Variants in VPS13D observed in about 807,000 individuals in gnomAD.
The protein encoded by VPS13D is vacuolar protein sorting 13 homolog D.
VPS13D carries 187 observed loss-of-function variants against 461.9 expected under a neutral mutation model. The ratio of observed to expected loss-of-function variants is 0.40; its 90% CI spans 0.36 to 0.46. The LOEUF (loss-of-function observed/expected upper bound fraction) is 0.46, where lower values mean the gene tolerates loss of function less well. Ranked by LOEUF, VPS13D falls within the 20% of genes least tolerant of loss-of-function variation. The pLI, the probability that VPS13D is intolerant of heterozygous loss-of-function variation, is 0.60. For missense variants in VPS13D, 4,711 were observed against 5,364.9 expected, an observed-to-expected ratio of 0.88 and a Z score of 3.81; for synonymous variants, 1,951 against 1,986.3, an observed-to-expected ratio of 0.98 and a Z score of 0.47.
intron 21 of VPS13D, among the ~76,000 whole-genome samples, chr1:12,287,451 G>A (rs528653851): frequency 7.2e-5 from 11 of 152,242 alleles, no homozygotes; most frequent in African/African-American, 2.6e-4. Context: ...AGACAAAGGG[G>A]TGAAGGCATG....
chr1:12,416,520 TTA>T (rs1644796372), intron 64 of VPS13D, 138 bp from the exon 65 acceptor site: 1 of 893,000 alleles, frequency 1.1e-6, no homozygotes, highest in South Asian at 2.0e-5. Flanking sequence ...TTGATGAAGA[TTA>T]AAAGCTTTTA....
intron 40 of VPS13D, among the ~76,000 whole-genome samples, chr1:12,339,399 G>A (rs1643519471): frequency 6.6e-6 from 1 of 152,154 alleles, no homozygotes. Flanking sequence ...TGCTTACATA[G>A]CATGACAACC....
Position 12,288,264 on chromosome 1 carries a change from G to T in VPS13D, c.5676G>T (p.Glu1892Asp). ...TAGTGCTGAATAAGACCACCAGTGA[G>T]CTTGCCAAAGCAAATGTGTCCAAAT... ...LSLVLNKTTS[E>D]LAKANVSKLV... Residue 1892 changes from glutamate (E) to aspartate (D), a missense_variant, in exon 22 of 70, where the codon GAG becomes GAT. This residue lies in a region of VPS13D where 4,411 missense variants were observed against 4,937.8 expected (regional missense o/e 0.89). Coordinates refer to ENST00000620676, the MANE Select transcript of VPS13D (RefSeq NM_015378.4). The T allele has an allele frequency of 6.2e-7, 1 of 1,614,156 alleles. No homozygotes were observed. Among genetic ancestry groups the T allele is most frequent in the Non-Finnish European group, 8.5e-7 (1 of 1,179,988 alleles).
intron 2 of VPS13D, among the ~76,000 whole-genome samples, chr1:12,234,827 C>T (rs1640095497): frequency 1.3e-5 from 2 of 152,172 alleles, no homozygotes; most frequent in African/African-American, 4.8e-5. Flanking sequence ...ACATTTAAAG[C>T]CCCTAGCCTG....
chr1:12,448,705 A>G (rs930806610), intron 65 of VPS13D, among the ~76,000 whole-genome samples: 1 of 152,242 alleles, frequency 6.6e-6, no homozygotes, highest in African/African-American at 2.4e-5. Flanking sequence ...GTTGAAGATC[A>G]GTTGTCTTGA....
chr1:12,442,377 GT>G (rs1645141886), intron 65 of VPS13D, among the ~76,000 whole-genome samples: 1 of 152,120 alleles, frequency 6.6e-6, no homozygotes, highest in African/African-American at 2.4e-5. Context: ...TAAGTGCTCT[GT>G]AGTGTGTCAA....
chr1:12,446,556 C>CTCCATAGTCCTCTTTCTT, intron 65 of VPS13D, among the ~76,000 whole-genome samples: 1 of 152,284 alleles, frequency 6.6e-6, no homozygotes, highest in African/African-American at 2.4e-5. Flanking sequence ...TCCTCTTTCT[C>CTCCATAGTCCTCTTTCTT]TCCATAGTCC....
Position 12,511,597 on chromosome 1 carries a change from T to C in VPS13D, c.*2573T>C, listed in dbSNP as rs555210710. On this transcript the variant is annotated 3_prime_UTR_variant, in exon 70 of 70. Transcript: ENST00000620676. The surrounding 1 kb of genome is among the most constrained non-coding windows in gnomAD (Gnocchi z 4.5). ...TCGTCTCTGAGGAAAGTAAAATAAA[T>C]GGAATAAGAGTAAATTGGGTAAGGA... The C allele has an allele frequency of 6.6e-6, 1 of 152,334 alleles. No individual in the cohort carries two copies. The highest frequency in any genetic ancestry group is 1.9e-4 in the East Asian group (1 of 5,180). 9.4% of individuals were successfully genotyped at this position (152,334 alleles called of 1,614,324 possible). A position where few individuals can be genotyped will look rare whatever the true frequency, so the allele number is the denominator to read the frequency against.
intron 65 of VPS13D, among the ~76,000 whole-genome samples, chr1:12,428,555 T>C: frequency 6.6e-6 from 1 of 152,168 alleles, no homozygotes; most frequent in East Asian, 1.9e-4. Context: ...TGTGCTGTCC[T>C]CCCCTTGCGC....
At chr1:12,335,035 G>A (rs774034497) in intron 38 of VPS13D, among the ~76,000 whole-genome samples, 13 of 152,138 alleles carry the variant, frequency 8.5e-5, no homozygotes, top group Non-Finnish European at 1.5e-4. Flanking sequence ...AATTGTTTTT[G>A]TTAACCTGCT....
In VPS13D at chr1:12,244,396, G is replaced by T. The variant is rs757652596; in HGVS notation, c.326G>T (p.Arg109Leu). 1.2e-6 allele frequency: 2 copies of T among 1,614,050 alleles called. No homozygotes were observed. Among genetic ancestry groups the T allele is most frequent in the African/African-American group, 2.7e-5 (2 of 74,926 alleles). The change falls in exon 4 of 70, where the codon CGT becomes CTT. Residue 109 changes from arginine (R) to leucine (L), a missense_variant. Around this residue, in one of 3 missense-constraint regions of VPS13D, gnomAD observed 4,411 missense variants for 4,937.8 expected, o/e 0.89. Coordinates refer to ENST00000620676, the MANE Select transcript of VPS13D (RefSeq NM_015378.4). ...DEKEKLLERERKKALLQALEE... is the reference protein window; with the variant it reads ...DEKEKLLERELKKALLQALEE... ...AAGGAGAAGCTGTTGGAAAGGGAAC[G>T]TAAGAAAGCACTACTTCAAGCCCTG...
chr1:12,269,543 A>G (rs1351588173), intron 16 of VPS13D, among the ~76,000 whole-genome samples: 1 of 152,214 alleles, frequency 6.6e-6, no homozygotes, highest in African/African-American at 2.4e-5. Flanking sequence ...AGGAATGTTC[A>G]AGAATTTCCT....
Position 12,283,084 on chromosome 1 carries a change from C to T in VPS13D, c.4982C>T (p.Thr1661Ile). The part of the protein sequence containing the change: ...EVEFSKDHPQ[T>I]LSIQIALHSL... ...GAATTCAGTAAAGACCATCCCCAGA[C>T]TTTATCTATTCAGATTGCCCTGCAT... Residue 1661 changes from threonine (T) to isoleucine (I), a missense_variant, in exon 21 of 70, where the codon ACT (threonine) becomes ATT (isoleucine). This residue lies in a region of VPS13D where 4,411 missense variants were observed against 4,937.8 expected (regional missense o/e 0.89). Transcript: ENST00000620676. The T allele has an allele frequency of 2.5e-6, 4 of 1,614,194 alleles. No individual in the cohort carries two copies. Among genetic ancestry groups the T allele is most frequent in the Non-Finnish European group, 3.4e-6 (4 of 1,180,038 alleles).
At chr1:12,407,604 T>C (rs1209914836) in intron 63 of VPS13D, among the ~76,000 whole-genome samples, 1 of 152,174 alleles carries the variant, frequency 6.6e-6, no homozygotes, top group African/African-American at 2.4e-5. Flanking sequence ...ACTTTGACTG[T>C]CCAGATTAAC....
intron 67 of VPS13D, among the ~76,000 whole-genome samples, chr1:12,490,791 G>A (rs992320787): frequency 3.3e-5 from 5 of 150,238 alleles, no homozygotes; most frequent in Admixed American, 1.3e-4. Context: ...TGCAGCCCAC[G>A]GCATGGTGGG....
Position 12,282,842 on chromosome 1 carries a change from C to G in VPS13D, c.4740C>G (p.Thr1580=). The change falls in exon 21 of 70, where the codon ACC becomes ACG. Residue 1580 remains threonine, a synonymous_variant. Coordinates refer to ENST00000620676, the MANE Select transcript of VPS13D (RefSeq NM_015378.4). Reference sequence around the variant, plus strand: ...ATTCTCCTCTGCCTCCCCTCAGTACCTGTGGAGAATCTTCTGTTGAAAGGA... The same window carrying G: ...ATTCTCCTCTGCCTCCCCTCAGTACGTGTGGAGAATCTTCTGTTGAAAGGA... ...CPDSPLPPLS[T]CGESSVERKE... is the part of the protein sequence containing the mutation. 1 of 1,614,152 alleles carries G rather than the reference C, an allele frequency of 6.2e-7. No homozygotes were observed. Among genetic ancestry groups the G allele is most frequent in the African/African-American group, 1.3e-5 (1 of 75,018 alleles).
At chr1:12,497,087 A>AG (rs1645968107) in intron 67 of VPS13D, 1 of 154,780 alleles carries the variant, frequency 6.5e-6, no homozygotes, top group Admixed American at 6.4e-5. Flanking sequence ...GGTGCGGCCC[A>AG]GGGGGATCTA....
Position 12,502,260 on chromosome 1 carries a change from C to T in VPS13D, c.12795-4593C>T, listed in dbSNP as rs1172672084. 5.3e-5 allele frequency among the ~76,000 whole-genome samples: 8 copies of T among 152,108 alleles called. 1 individual carries two copies. The South Asian group carries it at 6.2e-4, about 12-fold the overall frequency. On this transcript the variant is annotated intron_variant, in intron 68 of 69. Transcript: ENST00000620676. The surrounding 1 kb of genome is among the most constrained non-coding windows in gnomAD (Gnocchi z 4.3). Reference sequence around the variant, plus strand: ...AGAGGCCTGAACACAGTGGCCGTAACGATGACTAGAAGAGGACAGATTGGA... The same window carrying T: ...AGAGGCCTGAACACAGTGGCCGTAATGATGACTAGAAGAGGACAGATTGGA...
At chr1:12,302,933 G>T (rs2101468573) in intron 25 of VPS13D, among the ~76,000 whole-genome samples, 1 of 145,322 alleles carries the variant, frequency 6.9e-6, no homozygotes, top group East Asian at 2.0e-4. Flanking sequence ...ACCAGTGATT[G>T]TTCTGTAGAA....
Sources: gnomAD v4.1 joint callset for allele counts (sites outside exome capture counted in the v4.1 genomes callset) on GRCh38, gnomAD v4.1.1 for gene constraint, gnomAD v4.1.1 regional missense constraint, Gnocchi (gnomAD v3.1) non-coding constraint, MANE v1.5 for transcripts, NCBI Gene and HGNC (gene_info 2026-07-23, HGNC 2026-07-21) for gene names.